EXOC6: variants seen among roughly 807,000 people sequenced by gnomAD.
EXOC6 encodes SEC15-like 1.
In EXOC6, 60 loss-of-function variants were observed where a neutral mutation model predicts 112.5. That is an observed-to-expected ratio of 0.53 (90% confidence interval 0.43 to 0.66). The LOEUF is 0.66. Ranked by LOEUF, EXOC6 falls within the 30% of genes least tolerant of loss-of-function variation. The pLI is 0.00. For synonymous variants in EXOC6, 295 were observed against 308.0 expected, an observed-to-expected ratio of 0.96 and a Z score of 0.44; for missense variants, 855 against 957.1, an observed-to-expected ratio of 0.89 and a Z score of 1.41.
At chr10:93,015,110 TAAAAC>T (rs1844441490) in intron 20 of EXOC6, among the ~76,000 whole-genome samples, 1 of 152,058 alleles carries the variant, frequency 6.6e-6, no homozygotes, top group Non-Finnish European at 1.5e-5. Context: ...GAGATTGAAT[TAAAAC>T]AAAGCCACTG....
intron 12 of EXOC6, among the ~76,000 whole-genome samples, chr10:92,938,255 C>T (rs1852462547): frequency 3.9e-5 from 6 of 152,082 alleles, no homozygotes; most frequent in African/African-American, 1.2e-4. Flanking sequence ...ATACCTTTCT[C>T]ATATTATTGC....
At chr10:92,927,233 A>G (rs1344862767) in intron 8 of EXOC6, among the ~76,000 whole-genome samples, 2 of 152,092 alleles carry the variant, frequency 1.3e-5, no homozygotes, top group East Asian at 1.9e-4. Flanking sequence ...GGAGCCTTAG[A>G]TGATTAGGGA....
chr10:92,847,677 C>T (rs1325080189), upstream of EXOC6, among the ~76,000 whole-genome samples: 1 of 152,034 alleles, frequency 6.6e-6, no homozygotes. Flanking sequence ...CGACTTTTTT[C>T]TACACTGATA....
intron 18 of EXOC6, among the ~76,000 whole-genome samples, chr10:92,986,552 T>A (rs1271817164): frequency 6.6e-6 from 1 of 151,642 alleles, no homozygotes; most frequent in South Asian, 2.1e-4. Flanking sequence ...AGAGGGCAGC[T>A]TCCCATATGG....
At chr10:92,906,803 T>G (rs1850466556) in intron 5 of EXOC6, among the ~76,000 whole-genome samples, 1 of 152,210 alleles carries the variant, frequency 6.6e-6, no homozygotes, top group Non-Finnish European at 1.5e-5. Flanking sequence ...CAAATGCTGA[T>G]GAGTTAATTA....
chr10:92,905,353 G>A (rs1850382784), intron 5 of EXOC6, among the ~76,000 whole-genome samples: 1 of 152,008 alleles, frequency 6.6e-6, no homozygotes, highest in Admixed American at 6.5e-5. Context: ...TGAATCTGTA[G>A]ATCAAGTTGG....
chr10:93,027,545 G>A (rs1376203957), intron 20 of EXOC6, among the ~76,000 whole-genome samples: 1 of 152,208 alleles, frequency 6.6e-6, no homozygotes, highest in African/African-American at 2.4e-5. Context: ...AGGGACTAAT[G>A]CATCTGGTGA....
intron 1 of EXOC6, among the ~76,000 whole-genome samples, chr10:92,856,376 A>G (rs1322333405): frequency 6.6e-6 from 1 of 152,230 alleles, no homozygotes; most frequent in East Asian, 1.9e-4. Flanking sequence ...AGCTTCATCT[A>G]AAACTTTTTG....
At chr10:92,971,640 A>G (rs1469171669) in intron 17 of EXOC6, among the ~76,000 whole-genome samples, 1 of 152,180 alleles carries the variant, frequency 6.6e-6, no homozygotes, top group Non-Finnish European at 1.5e-5. Context: ...TCGGCCTCCC[A>G]AAGTGCTAGG....
At position 92,997,514 on chromosome 10, in the gene EXOC6, A is replaced by G. The variant is rs1843547448; in HGVS notation, c.1994A>G (p.His665Arg). 2 of 1,612,742 alleles carry G rather than the reference A, an allele frequency of 1.2e-6. No individual in the cohort carries two copies. The highest frequency in any genetic ancestry group is 2.2e-5 in the East Asian group (1 of 44,830). The change falls in exon 19 of 22, where the codon CAT (histidine) becomes CGT (arginine). Residue 665 changes from histidine to arginine, a missense_variant. Around this residue, in one of 2 missense-constraint regions of EXOC6, gnomAD observed 450 missense variants for 563.5 expected, o/e 0.80. Transcript: ENST00000260762. The stretch of plus-strand genomic sequence containing the variant: ...ACAGCTTGCATGTCAGCCTGCCAGC[A>G]TCTGTCAACATCCTTAATGCAGATG... Reference protein sequence around the residue: ...AQTACMSACQHLSTSLMQMLL... With the variant: ...AQTACMSACQRLSTSLMQMLL...
chr10:92,858,526 C>T (rs754880462), intron 1 of EXOC6, among the ~76,000 whole-genome samples: 4 of 152,092 alleles, frequency 2.6e-5, no homozygotes, highest in Non-Finnish European at 5.9e-5. Flanking sequence ...AATTCACATC[C>T]ACTGTTGGGA....
At chr10:92,918,082 G>A (rs2133900403) in intron 7 of EXOC6, among the ~76,000 whole-genome samples, 1 of 152,304 alleles carries the variant, frequency 6.6e-6, no homozygotes, top group East Asian at 1.9e-4. Context: ...GGAGGTTGAG[G>A]ATGCAGTGAG....
At chr10:92,929,802 CAGAA>C (rs1564839036) in intron 9 of EXOC6, among the ~76,000 whole-genome samples, 1 of 152,048 alleles carries the variant, frequency 6.6e-6, no homozygotes, top group Non-Finnish European at 1.5e-5. Context: ...CACAAAGACA[CAGAA>C]GGAAAAATTA....
At chr10:92,955,354 G>T (rs1853632344) in intron 16 of EXOC6, among the ~76,000 whole-genome samples, 1 of 150,876 alleles carries the variant, frequency 6.6e-6, no homozygotes, top group Non-Finnish European at 1.5e-5. Flanking sequence ...TAAAATAACT[G>T]GTATTTAGAC....
intron 5 of EXOC6, among the ~76,000 whole-genome samples, chr10:92,909,146 G>A (rs989406409): frequency 1.3e-5 from 2 of 151,978 alleles, no homozygotes; most frequent in African/African-American, 2.4e-5. Context: ...ATTCATTTAA[G>A]GTATTAAGAT....
chr10:92,847,469 G>A (rs1847092782), upstream of EXOC6, among the ~76,000 whole-genome samples: 1 of 152,114 alleles, frequency 6.6e-6, no homozygotes, highest in African/African-American at 2.4e-5. Context: ...GCTCACTAAG[G>A]GTGAGTGAGT....
chr10:93,033,283 G>T (rs945688495), intron 20 of EXOC6, among the ~76,000 whole-genome samples: 1 of 152,156 alleles, frequency 6.6e-6, no homozygotes, highest in African/African-American at 2.4e-5. Context: ...TGATAGAATT[G>T]CTGTAGTAAC....
At chr10:92,897,806 G>A (rs1564811431) in intron 4 of EXOC6, among the ~76,000 whole-genome samples, 1 of 152,130 alleles carries the variant, frequency 6.6e-6, no homozygotes, top group African/African-American at 2.4e-5. Flanking sequence ...CTTCTAATCT[G>A]GGAGCCCCCA....
chr10:92,975,918 T>TG (rs1366945210), intron 18 of EXOC6, among the ~76,000 whole-genome samples: 2 of 100,564 alleles, frequency 2.0e-5, no homozygotes, highest in African/African-American at 3.9e-5. Context: ...GGGAGGGAGG[T>TG]GGGGGGGTCA....
Sources: gnomAD v4.1 joint callset for allele counts (sites outside exome capture counted in the v4.1 genomes callset) on GRCh38, gnomAD v4.1.1 for gene constraint, gnomAD v4.1.1 regional missense constraint, MANE v1.5 for transcripts, NCBI Gene and HGNC (gene_info 2026-07-23, HGNC 2026-07-21) for gene names.